LMO7: variants seen among roughly 807,000 people sequenced by gnomAD.
LMO7 encodes the protein LIM domain 7.
LMO7 carries 120 observed loss-of-function variants against 206.5 expected under a neutral mutation model. That is an observed-to-expected ratio of 0.58 (90% CI 0.50 to 0.68). LMO7 has a LOEUF of 0.68. LMO7 is among the 30% of genes least tolerant of loss of function. The pLI, the probability that LMO7 is intolerant of heterozygous loss-of-function variation, is 0.00. For missense variants in LMO7, 1,959 were observed against 1,957.9 expected (o/e 1.00, Z -0.01); for synonymous variants, 706 against 681.5 (o/e 1.04, Z -0.56).
intron 1 of LMO7, among the ~76,000 whole-genome samples, chr13:75,689,839 G>A (rs7993121): frequency 0.097 from 14,820 of 152,184 alleles, 796 homozygotes; most frequent in Non-Finnish European, 0.11. Context: ...TTTGGGACAC[G>A]GACTGGCTTC....
chr13:75,768,182 A>G (rs949150973), intron 4 of LMO7, among the ~76,000 whole-genome samples: 2 of 152,088 alleles, frequency 1.3e-5, no homozygotes, highest in East Asian at 1.9e-4. Flanking sequence ...AAGAAGATAC[A>G]TGTCTCCTGT....
intron 1 of LMO7, among the ~76,000 whole-genome samples, chr13:75,644,676 T>C (rs2036857762): frequency 1.3e-5 from 2 of 152,212 alleles, no homozygotes; most frequent in Admixed American, 1.3e-4. Flanking sequence ...TTGCCCAGGC[T>C]GGAGTGCAGT....
intron 1 of LMO7, among the ~76,000 whole-genome samples, chr13:75,645,260 A>G (rs1490816604): frequency 1.3e-5 from 2 of 152,198 alleles, no homozygotes; most frequent in Non-Finnish European, 1.5e-5. Context: ...GCTTGTTAGT[A>G]CCAAAGCTGG....
chr13:75,671,923 A>G (rs1351277737), intron 1 of LMO7, among the ~76,000 whole-genome samples: 1 of 152,090 alleles, frequency 6.6e-6, no homozygotes, highest in African/African-American at 2.4e-5. Flanking sequence ...GTGCATGGTA[A>G]ATAAAAAAAA....
Position 75,807,781 on chromosome 13 carries a change from T to C in LMO7, c.1498T>C (p.Leu500=). Residue 500 remains leucine, a synonymous_variant, in exon 10 of 31, where the codon TTA becomes CTA. Transcript: ENST00000377534. ...QDDSVERDII[L]QCREGELVLP... is the part of the protein sequence containing the mutation. ...TGATTCTGTAGAGCGAGATATAATT[T>C]TACAGTGTAGAGAAGGTGAACTTGT... 4 of 1,613,894 alleles carry C rather than the reference T, an allele frequency of 2.5e-6. No homozygotes were observed. The highest frequency in any genetic ancestry group is 3.4e-6 in the Non-Finnish European group (4 of 1,179,828).
At chr13:75,773,684 C>G (rs186997468) in intron 4 of LMO7, among the ~76,000 whole-genome samples, 3 of 152,072 alleles carry the variant, frequency 2.0e-5, no homozygotes, top group African/African-American at 7.2e-5. Flanking sequence ...GATTTGGAGG[C>G]AAGAGATGGA....
At chr13:75,856,445 G>A in intron 29 of LMO7, 61 bp from the exon 30 acceptor site, 1 of 963,638 alleles carries the variant, frequency 1.0e-6, no homozygotes, top group Non-Finnish European at 1.7e-6. Flanking sequence ...CCACCCCCAG[G>A]AGTGCCCCAA....
chr13:75,842,799 G>C (rs41287012), intron 24 of LMO7, 52 bp from the exon 25 acceptor site: 1 of 1,105,436 alleles, frequency 9.0e-7, no homozygotes, highest in South Asian at 1.3e-5. Flanking sequence ...TAAACTCAGG[G>C]AAGGGCTTAA....
intron 11 of LMO7, among the ~76,000 whole-genome samples, chr13:75,810,060 G>GGTCCATCC (rs1320446001): frequency 1.3e-5 from 2 of 152,096 alleles, no homozygotes; most frequent in Non-Finnish European, 2.9e-5. Flanking sequence ...TCAAACTCCT[G>GGTCCATCC]ACCTCAGGTG....
At chr13:75,849,362 G>A in intron 27 of LMO7, 70 bp downstream of exon 27, 3 of 1,223,826 alleles carry the variant, frequency 2.5e-6, no homozygotes, top group Non-Finnish European at 3.6e-6. Context: ...TAGACATCCT[G>A]GTGCTTTGGA....
intron 1 of LMO7, among the ~76,000 whole-genome samples, chr13:75,694,210 T>G (rs992382930): frequency 6.6e-6 from 1 of 152,130 alleles, no homozygotes; most frequent in Non-Finnish European, 1.5e-5. Context: ...AGAAAATCCG[T>G]GTCACAGAAG....
chr13:75,712,373 T>G (rs2043191676), intron 1 of LMO7, among the ~76,000 whole-genome samples: 1 of 152,164 alleles, frequency 6.6e-6, no homozygotes, highest in African/African-American at 2.4e-5. Flanking sequence ...TCCCAGGGGT[T>G]GTTCTTAGGG....
At chr13:75,798,968 G>C (rs904334913) in intron 6 of LMO7, among the ~76,000 whole-genome samples, 1 of 152,216 alleles carries the variant, frequency 6.6e-6, no homozygotes, top group Admixed American at 6.5e-5. Flanking sequence ...AGATCTAAAC[G>C]CTTAAATTTA....
chr13:75,683,746 A>T (rs1040052216), intron 1 of LMO7, among the ~76,000 whole-genome samples: 2 of 152,338 alleles, frequency 1.3e-5, no homozygotes, highest in South Asian at 2.1e-4. Flanking sequence ...GGAGATATAC[A>T]TCAATACATG....
chr13:75,630,848 G>T (rs2034838676), intron 2 of LMO7, among the ~76,000 whole-genome samples: 1 of 152,114 alleles, frequency 6.6e-6, no homozygotes, highest in African/African-American at 2.4e-5. Flanking sequence ...TAGAGATGGA[G>T]TTTCGCCATG....
At chr13:75,648,851 G>C (rs1330866920) in intron 1 of LMO7, among the ~76,000 whole-genome samples, 1 of 152,196 alleles carries the variant, frequency 6.6e-6, no homozygotes, top group Admixed American at 6.5e-5. Context: ...TTGGTGTGAA[G>C]TACCTTCTGG....
At chr13:75,853,713 CAT>C (rs1341499653) in intron 28 of LMO7, among the ~76,000 whole-genome samples, 2 of 152,200 alleles carry the variant, frequency 1.3e-5, no homozygotes, top group Non-Finnish European at 2.9e-5. Context: ...ATCATGAAAA[CAT>C]ATAGCAGCTC....
chr13:75,825,840 C>G (rs755986803), intron 15 of LMO7, among the ~76,000 whole-genome samples: 1 of 152,068 alleles, frequency 6.6e-6, no homozygotes, highest in Non-Finnish European at 1.5e-5. Flanking sequence ...TGTTATAACT[C>G]TAGGTGTTCA....
chr13:75,777,818 T>G (rs1007396552), intron 4 of LMO7, among the ~76,000 whole-genome samples: 5 of 151,938 alleles, frequency 3.3e-5, no homozygotes, highest in African/African-American at 9.7e-5. Flanking sequence ...CCTAATTTTT[T>G]GTGTTTTTAG....
Sources: allele counts gnomAD v4.1 joint callset (sites outside exome capture counted in the v4.1 genomes callset), GRCh38; gene constraint gnomAD v4.1.1; transcripts MANE v1.5; gene names NCBI Gene and HGNC (gene_info 2026-07-23, HGNC 2026-07-21).